The following PNPLA1 variants were observed in gnomAD, a reference collection of about 807,000 sequenced individuals.
PNPLA1 encodes the protein omega-hydroxyceramide transacylase.
Under a neutral mutation model 51.7 loss-of-function variants are expected in PNPLA1, and 36 were observed. The ratio of observed to expected loss-of-function variants is 0.70; its 90% CI spans 0.53 to 0.92. PNPLA1 has a LOEUF of 0.92. Ranked by LOEUF, PNPLA1 falls within the 40% of genes least tolerant of loss-of-function variation. The probability of loss-of-function intolerance (pLI) is 0.00; values close to 1 mark genes in which losing one functional copy is unlikely to be tolerated. For missense variants in PNPLA1, 658 were observed against 682.5 expected (o/e 0.96, Z 0.40); for synonymous variants, 293 against 280.1 (o/e 1.05, Z -0.46).
intron 5 of PNPLA1, among the ~76,000 whole-genome samples, chr6:36,297,946 C>CCTCAT (rs1770910490): frequency 6.6e-6 from 1 of 152,100 alleles, no homozygotes; most frequent in Non-Finnish European, 1.5e-5. Context: ...CCCAAAATTT[C>CCTCAT]CTCATGCCCT....
intron 1 of PNPLA1, among the ~76,000 whole-genome samples, chr6:36,244,064 T>G (rs1268022270): frequency 6.6e-6 from 1 of 152,158 alleles, no homozygotes; most frequent in Non-Finnish European, 1.5e-5. Flanking sequence ...GAGCTGGAAT[T>G]CACAAGTCCG....
rs1431187724 is a variant in PNPLA1, at chr6:36,295,304, G to T, written c.715-60G>T. ...TGGGAGTAGCTGCCCTGGGTCGGGG[G>T]AACTGTGGCTCCCTTCCTCCCCGCA... On this transcript the variant is annotated intron_variant, in intron 4 of 8. Transcript: ENST00000636260. 4 of 1,573,270 alleles carry T rather than the reference G, an allele frequency of 2.5e-6. No homozygotes were observed. In the African/African-American group the frequency reaches 4.1e-5, roughly 16 times the overall value.
chr6:36,306,410 T>C (rs780841373), intron 7 of PNPLA1, 34 bp downstream of exon 7: 1 of 1,569,660 alleles, frequency 6.4e-7, no homozygotes, highest in South Asian at 1.2e-5. Flanking sequence ...CGCTCTTTCC[T>C]TTGGACGGAA....
At chr6:36,269,975 G>A (rs370982445), upstream of PNPLA1, among the ~76,000 whole-genome samples, 38 of 152,358 alleles carry the variant, frequency 2.5e-4, 1 homozygote, top group East Asian at 5.4e-3. Flanking sequence ...GCAGCATGTT[G>A]GGGAGGGAGG....
chr6:36,257,888 G>A (rs1466715335), intron 1 of PNPLA1, among the ~76,000 whole-genome samples: 1 of 152,188 alleles, frequency 6.6e-6, no homozygotes, highest in Non-Finnish European at 1.5e-5. Context: ...CTTCTGAAAA[G>A]TATTACTGTT....
chr6:36,279,882 C>T (rs1247995894), intron 1 of PNPLA1, among the ~76,000 whole-genome samples: 1 of 152,196 alleles, frequency 6.6e-6, no homozygotes, highest in Non-Finnish European at 1.5e-5. Context: ...TTTCCAAAGT[C>T]AAGAATGTCC....
At chr6:36,248,351 C>T (rs1432444849) in intron 1 of PNPLA1, among the ~76,000 whole-genome samples, 3 of 152,050 alleles carry the variant, frequency 2.0e-5, no homozygotes, top group Admixed American at 6.6e-5. Flanking sequence ...CTCCAACAGC[C>T]CTCTGAGGGA....
rs540304337 is a variant in PNPLA1 at position 36,294,528 on chromosome 6, C to T, written c.714+129C>T. 229 of 811,424 alleles carry T rather than the reference C, an allele frequency of 2.8e-4. 1 individual carries two copies. In the African/African-American group the frequency reaches 3.2e-3, roughly 11 times the overall value. The allele number at this position is 811,424 out of a possible 1,614,324, so 50.3% of individuals were successfully genotyped here. A position where few individuals can be genotyped will look rare whatever the true frequency, so the allele number is the denominator to read the frequency against. ...CCTCAAATGGTCCTTTAAACTTCCT[C>T]CTAGACCTGCATCCTGGCCTTGCTG... On this transcript the variant is annotated intron_variant, in intron 4 of 8. Transcript: ENST00000636260. This position sits in a 1 kb window ranked among gnomAD's most constrained non-coding sequence, Gnocchi z 4.2.
At chr6:36,309,547 G>A (rs868743627) in intron 8 of PNPLA1, among the ~76,000 whole-genome samples, 3 of 152,172 alleles carry the variant, frequency 2.0e-5, no homozygotes, top group East Asian at 1.9e-4. Flanking sequence ...GCAGAGAAGC[G>A]GGAACTGTGC....
At chr6:36,288,980 A>G (rs993879501) in intron 1 of PNPLA1, among the ~76,000 whole-genome samples, 14 of 152,302 alleles carry the variant, frequency 9.2e-5, no homozygotes, top group Admixed American at 6.5e-5. Flanking sequence ...AAACATTCAC[A>G]ACATATTAGG....
upstream of PNPLA1, among the ~76,000 whole-genome samples, chr6:36,268,661 G>A (rs373574374): frequency 1.3e-5 from 2 of 152,176 alleles, no homozygotes; most frequent in African/African-American, 4.8e-5. Flanking sequence ...AGGAATCTCA[G>A]CCCTGCACAG....
At chr6:36,266,247 C>T (rs576720843), upstream of PNPLA1, among the ~76,000 whole-genome samples, 1 of 152,328 alleles carries the variant, frequency 6.6e-6, no homozygotes, top group South Asian at 2.1e-4. Flanking sequence ...ACCTGCTAAG[C>T]CACTTGCAGT....
At chr6:36,262,276 A>G (rs973126024) in intron 1 of PNPLA1, among the ~76,000 whole-genome samples, 1 of 82,240 alleles carries the variant, frequency 1.2e-5, no homozygotes, top group African/African-American at 7.5e-5. Context: ...CAACCCTCCC[A>G]TCCTCCACTC....
chr6:36,305,768 C>CTTTTTTTTTTTTTTTTTTTT (rs72063246), intron 6 of PNPLA1, among the ~76,000 whole-genome samples: 1 of 96,576 alleles, frequency 1.0e-5, no homozygotes, highest in Non-Finnish European at 2.0e-5. Context: ...TTACTTTTCT[C>CTTTTTTTTTTTTTTTTTTTT]TTTTTTTTTT....
At chr6:36,271,609 A>T (rs1287544817) in intron 1 of PNPLA1, among the ~76,000 whole-genome samples, 1 of 152,254 alleles carries the variant, frequency 6.6e-6, no homozygotes, top group Admixed American at 6.5e-5. Context: ...GAAGGTGGTC[A>T]GGGAAGCCTT....
At chr6:36,295,447 G>GTAAGGGCAGTGTTGGAGGGTAGGGAAAGT (rs1770830631) in intron 5 of PNPLA1, 23 bp downstream of exon 5, 3 of 1,611,644 alleles carry the variant, frequency 1.9e-6, no homozygotes, top group Non-Finnish European at 2.5e-6. Context: ...GGGGCCCCAG[G>GTAAGGGCAGTGTTGGAGGGTAGGGAAAGT]TAAGGGCAGT....
upstream of PNPLA1, among the ~76,000 whole-genome samples, chr6:36,269,638 G>A (rs1344573473): frequency 1.3e-5 from 2 of 152,164 alleles, no homozygotes; most frequent in Non-Finnish European, 2.9e-5. Context: ...TGTCGAGAGG[G>A]CACTGACCAA....
chr6:36,256,338 A>G (rs1769533235), intron 1 of PNPLA1, among the ~76,000 whole-genome samples: 3 of 152,128 alleles, frequency 2.0e-5, no homozygotes, highest in East Asian at 3.9e-4. Context: ...AAAAAAAAAA[A>G]TGTAGTCACA....
At chr6:36,253,325 A>G (rs1380765735) in intron 1 of PNPLA1, among the ~76,000 whole-genome samples, 2 of 152,210 alleles carry the variant, frequency 1.3e-5, no homozygotes, top group Non-Finnish European at 2.9e-5. Context: ...CTTACTCTGC[A>G]ATGTAGCTTT....
Sources: gnomAD v4.1 joint callset for allele counts (sites outside exome capture counted in the v4.1 genomes callset) on GRCh38, gnomAD v4.1.1 for gene constraint, Gnocchi (gnomAD v3.1) non-coding constraint, MANE v1.5 for transcripts, NCBI Gene and HGNC (gene_info 2026-07-23, HGNC 2026-07-21) for gene names.